CSMD3: variants seen among roughly 807,000 people sequenced by gnomAD.
The protein encoded by CSMD3 is CUB and Sushi multiple domains 3.
CSMD3 carries 177 observed loss-of-function variants against 435.2 expected under a neutral mutation model. That is an observed-to-expected ratio of 0.41 (90% confidence interval 0.36 to 0.46). The LOEUF (loss-of-function observed/expected upper bound fraction) is 0.46, where lower values mean the gene tolerates loss of function less well. Among genes scored for constraint, CSMD3 ranks in the 20% least tolerant of loss-of-function variants. CSMD3 has a pLI of 0.34. For synonymous variants in CSMD3, 1,656 were observed against 1,520.5 expected, an observed-to-expected ratio of 1.09 and a Z score of -2.07; for missense variants, 4,265 against 4,504.6, an observed-to-expected ratio of 0.95 and a Z score of 1.52.
At chr8:112,733,263 A>G (rs2077114222) in intron 13 of CSMD3, among the ~76,000 whole-genome samples, 3 of 152,150 alleles carry the variant, frequency 2.0e-5, no homozygotes, top group African/African-American at 7.2e-5. Context: ...CGCTAGACGA[A>G]TTAAGCATCA....
At chr8:112,530,862 C>T (rs1020164365) in intron 27 of CSMD3, among the ~76,000 whole-genome samples, 21 of 152,152 alleles carry the variant, frequency 1.4e-4, no homozygotes, top group East Asian at 5.8e-4. Context: ...GCCACAGCCA[C>T]GGCAGAAGGG....
At chr8:112,607,482 A>T (rs1832890404) in intron 22 of CSMD3, among the ~76,000 whole-genome samples, 1 of 152,102 alleles carries the variant, frequency 6.6e-6, no homozygotes, top group Non-Finnish European at 1.5e-5. Context: ...AGATTCATTT[A>T]AAAGGCCAAT....
chr8:112,768,989 T>C (rs575302987), intron 13 of CSMD3, among the ~76,000 whole-genome samples: 1 of 152,100 alleles, frequency 6.6e-6, no homozygotes, highest in East Asian at 1.9e-4. Context: ...ACCTACTCCA[T>C]ATGCTTGCTT....
chr8:113,387,364 T>C (rs2094443582), intron 1 of CSMD3, among the ~76,000 whole-genome samples: 1 of 151,786 alleles, frequency 6.6e-6, no homozygotes, highest in Non-Finnish European at 1.5e-5. Context: ...AGTAATTCTA[T>C]ATCACTTGTC....
chr8:112,490,170 G>C (rs978389704), intron 31 of CSMD3, among the ~76,000 whole-genome samples: 1 of 152,154 alleles, frequency 6.6e-6, no homozygotes, highest in South Asian at 2.1e-4. Context: ...TTCTCTATAT[G>C]TGTTGTGTTT....
At chr8:112,800,624 T>G (rs937997560) in intron 12 of CSMD3, among the ~76,000 whole-genome samples, 4 of 152,032 alleles carry the variant, frequency 2.6e-5, no homozygotes, top group African/African-American at 9.7e-5. Flanking sequence ...CAAATATATC[T>G]TAACATTCCC....
chr8:112,994,373 G>T (rs1384564015), intron 6 of CSMD3, among the ~76,000 whole-genome samples: 2 of 151,482 alleles, frequency 1.3e-5, no homozygotes, highest in East Asian at 3.9e-4. Context: ...CTAAAAACTG[G>T]AAAGGACCAC....
At chr8:113,153,134 G>GAAAGAAAGAAAGAAAGAAAGAGAAA (rs1564370995) in intron 4 of CSMD3, among the ~76,000 whole-genome samples, 1 of 94,076 alleles carries the variant, frequency 1.1e-5, no homozygotes, top group African/African-American at 6.5e-5. Flanking sequence ...AGAGAAAGAA[G>GAAAGAAAGAAAGAAAGAAAGAGAAA]GAAGGAAGGA....
intron 23 of CSMD3, among the ~76,000 whole-genome samples, chr8:112,581,871 T>C (rs989622221): frequency 2.6e-5 from 4 of 152,112 alleles, no homozygotes; most frequent in Admixed American, 6.6e-5. Context: ...GGAGGGCCCA[T>C]TGAAGACTCT....
At chr8:112,634,543 C>T (rs1031138827) in intron 22 of CSMD3, among the ~76,000 whole-genome samples, 5 of 152,076 alleles carry the variant, frequency 3.3e-5, no homozygotes, top group African/African-American at 1.2e-4. Context: ...ATGGCAATAA[C>T]TTTGCTTTCT....
At chr8:112,580,719 G>A (rs1234142699) in intron 23 of CSMD3, among the ~76,000 whole-genome samples, 2 of 152,002 alleles carry the variant, frequency 1.3e-5, no homozygotes, top group Non-Finnish European at 2.9e-5. Flanking sequence ...GGATAACTAG[G>A]ATCCAGCAGT....
Position 112,237,094 on chromosome 8 carries a change from A to G in CSMD3, c.10627+96T>C, listed in dbSNP as rs563450682. On this transcript the variant is annotated intron_variant, in intron 67 of 70. Coordinates refer to ENST00000297405, the MANE Select transcript of CSMD3 (RefSeq NM_198123.2). ...ATCAAAAGCAAATGTATCAAAATAA[A>G]CATTTCACCATATAAAAAGCATTAC... is the stretch of plus-strand genomic sequence containing the variant. 207 of 1,364,706 alleles carry G rather than the reference A, an allele frequency of 1.5e-4. 1 individual carries two copies. The South Asian group carries it at 2.2e-3, about 14-fold the overall frequency. 84.5% of individuals were successfully genotyped at this position (1,364,706 alleles called of 1,614,324 possible). A position where few individuals can be genotyped will look rare whatever the true frequency, so the allele number is the denominator to read the frequency against.
chr8:113,300,502 C>A (rs367763741), intron 2 of CSMD3, among the ~76,000 whole-genome samples: 3 of 152,130 alleles, frequency 2.0e-5, no homozygotes, highest in Non-Finnish European at 4.4e-5. Context: ...AAGTACTGTG[C>A]AGCCATAAGA....
At chr8:112,540,882 A>C (rs1689983423) in intron 27 of CSMD3, among the ~76,000 whole-genome samples, 1 of 152,026 alleles carries the variant, frequency 6.6e-6, no homozygotes, top group African/African-American at 2.4e-5. Context: ...AGTTAATAAG[A>C]ATTTATTTTA....
intron 53 of CSMD3, among the ~76,000 whole-genome samples, chr8:112,301,413 G>T (rs1820912012): frequency 6.6e-6 from 1 of 151,966 alleles, no homozygotes; most frequent in Non-Finnish European, 1.5e-5. Context: ...ACATTACATT[G>T]TTTATCTTCT....
At chr8:113,197,560 G>A (rs1271582329) in intron 3 of CSMD3, among the ~76,000 whole-genome samples, 1 of 151,062 alleles carries the variant, frequency 6.6e-6, no homozygotes, top group Non-Finnish European at 1.5e-5. Flanking sequence ...TAATGATGTT[G>A]AGTCCACTTA....
chr8:112,773,662 C>T (rs563250364), intron 13 of CSMD3, among the ~76,000 whole-genome samples: 39 of 152,058 alleles, frequency 2.6e-4, no homozygotes, highest in African/African-American at 8.2e-4. Flanking sequence ...AGGAATTGTA[C>T]ACATGTGCTC....
intron 3 of CSMD3, among the ~76,000 whole-genome samples, chr8:113,271,478 C>T (rs1474556742): frequency 6.6e-6 from 1 of 152,168 alleles, no homozygotes; most frequent in East Asian, 1.9e-4. Flanking sequence ...ACAGCTCGGG[C>T]CATGGTTTCA....
chr8:112,351,375 T>C, intron 39 of CSMD3, 131 bp from the exon 40 acceptor site: 1 of 629,882 alleles, frequency 1.6e-6, no homozygotes, highest in African/African-American at 1.8e-5. Flanking sequence ...TTTACTTATA[T>C]GAAAATCTTA....
Sources: allele counts gnomAD v4.1 joint callset (sites outside exome capture counted in the v4.1 genomes callset), GRCh38; gene constraint gnomAD v4.1.1; transcripts MANE v1.5; gene names NCBI Gene and HGNC (gene_info 2026-07-23, HGNC 2026-07-21).